ALOX5: variants seen among roughly 807,000 people sequenced by gnomAD.
ALOX5 encodes arachidonate 5-lipoxygenase.
A neutral mutation model predicts 87.9 loss-of-function variants in ALOX5; 64 were observed. The ratio of observed to expected loss-of-function variants is 0.73; its 90% CI spans 0.60 to 0.90. ALOX5 has a LOEUF of 0.90. ALOX5 is among the 40% of genes least tolerant of loss of function. ALOX5 has a pLI of 0.00. For synonymous variants in ALOX5, 388 were observed against 355.1 expected, an observed-to-expected ratio of 1.09 and a Z score of -1.04; for missense variants, 822 against 907.5, an observed-to-expected ratio of 0.91 and a Z score of 1.21.
At position 45,420,886 on chromosome 10, in the gene ALOX5, G is replaced by A. The variant is rs1424231489; in HGVS notation, c.555-3155G>A. On this transcript the variant is annotated intron_variant, in intron 4 of 13. Transcript: ENST00000374391. ...GAGAGTTTCCTTCCCAGTGAGGCGG[G>A]ACAGTGCAGAAATGCGGCCCGTCCT... Among the ~76,000 whole-genome samples the A allele has an allele frequency of 2.0e-5, 3 of 152,248 alleles. No individual in the cohort carries two copies. The East Asian group carries it at 5.8e-4, about 29-fold the overall frequency.
At chr10:45,387,374 G>A (rs1840045417) in intron 2 of ALOX5, among the ~76,000 whole-genome samples, 1 of 152,308 alleles carries the variant, frequency 6.6e-6, no homozygotes, top group East Asian at 1.9e-4. Flanking sequence ...GAGAACTGCT[G>A]CTCTCACAGG....
chr10:45,398,011 A>T (rs1312132319), intron 3 of ALOX5, among the ~76,000 whole-genome samples: 1 of 152,208 alleles, frequency 6.6e-6, no homozygotes, highest in Non-Finnish European at 1.5e-5. Context: ...ATTCATATGG[A>T]AATGGAAGGG....
chr10:45,416,136 G>T (rs1189072142), intron 4 of ALOX5, among the ~76,000 whole-genome samples: 1 of 152,142 alleles, frequency 6.6e-6, no homozygotes, highest in African/African-American at 2.4e-5. Context: ...TCTAAACATT[G>T]TGTCGGTGTT....
chr10:45,405,456 T>G (rs758552862), intron 3 of ALOX5, among the ~76,000 whole-genome samples: 19 of 152,306 alleles, frequency 1.2e-4, no homozygotes, highest in Non-Finnish European at 2.5e-4. Context: ...TTTTTCCCTA[T>G]TGTTCTTTCA....
At chr10:45,411,220 A>G (rs1344035889) in intron 3 of ALOX5, among the ~76,000 whole-genome samples, 2 of 152,168 alleles carry the variant, frequency 1.3e-5, no homozygotes, top group African/African-American at 4.8e-5. Flanking sequence ...TTTCATCACC[A>G]TCTTAGTTTT....
At chr10:45,386,582 G>GA (rs139283260) in intron 2 of ALOX5, among the ~76,000 whole-genome samples, 4,058 of 149,878 alleles carry the variant, frequency 0.027, 122 homozygotes, top group African/African-American at 0.078. Context: ...CACCTAATAA[G>GA]AAAAAAAAAG....
chr10:45,401,630 AT>A (rs1339773812), intron 3 of ALOX5, among the ~76,000 whole-genome samples: 1 of 152,176 alleles, frequency 6.6e-6, no homozygotes, highest in Non-Finnish European at 1.5e-5. Context: ...CATTGGATGG[AT>A]GCCTCATCAT....
chr10:45,433,519 C>G (rs1386976270), intron 7 of ALOX5, among the ~76,000 whole-genome samples: 1 of 152,212 alleles, frequency 6.6e-6, no homozygotes, highest in Non-Finnish European at 1.5e-5. Flanking sequence ...GCAGCTCACT[C>G]TTAAGACCGG....
intron 3 of ALOX5, among the ~76,000 whole-genome samples, chr10:45,398,068 AG>A (rs149735761): frequency 0.022 from 3,409 of 152,302 alleles, 121 homozygotes; most frequent in African/African-American, 0.078. Flanking sequence ...ACAAAGATGG[AG>A]GACTTGCACT....
At chr10:45,422,245 C>T (rs1459714183) in intron 4 of ALOX5, among the ~76,000 whole-genome samples, 1 of 152,180 alleles carries the variant, frequency 6.6e-6, no homozygotes, top group Non-Finnish European at 1.5e-5. Context: ...TGGGATGTCA[C>T]CAAGCCCTGT....
intron 1 of ALOX5, among the ~76,000 whole-genome samples, chr10:45,376,880 C>T (rs79927788): frequency 6.6e-6 from 1 of 152,232 alleles, no homozygotes; most frequent in South Asian, 2.1e-4. Context: ...TGGCTCCTCA[C>T]TGTCTGCTGG....
chr10:45,437,135 C>T (rs1408393284), intron 7 of ALOX5, among the ~76,000 whole-genome samples: 1 of 152,144 alleles, frequency 6.6e-6, no homozygotes, highest in African/African-American at 2.4e-5. Context: ...GGCAGATCAC[C>T]TGAGGTCAGG....
chr10:45,441,373 T>A lies in ALOX5; in HGVS notation c.1215T>A (p.Ile405=). 6 of 1,613,708 alleles carry A rather than the reference T, an allele frequency of 3.7e-6. No homozygotes were observed. The highest frequency in any genetic ancestry group is 5.1e-6 in the Non-Finnish European group (6 of 1,179,774). The part of the protein sequence containing the change: ...KLLVAHVRFT[I]AINTKAREQL... ...TGGTGGCACACGTGAGATTCACCATTGCAATCAACACCAAGGCCCGTGAGC... is the reference window on the plus strand; with the variant it reads ...TGGTGGCACACGTGAGATTCACCATAGCAATCAACACCAAGGCCCGTGAGC... Residue 405 remains isoleucine (I), a synonymous_variant, in exon 9 of 14, where the codon ATT becomes ATA. Transcript: ENST00000374391.
chr10:45,404,480 C>G (rs938525270), intron 3 of ALOX5, among the ~76,000 whole-genome samples: 7 of 152,206 alleles, frequency 4.6e-5, no homozygotes, highest in Non-Finnish European at 1.0e-4. Context: ...CATGCACACT[C>G]ACACACAGCA....
chr10:45,409,145 G>T (rs1258555659), intron 3 of ALOX5, among the ~76,000 whole-genome samples: 1 of 152,188 alleles, frequency 6.6e-6, no homozygotes, highest in Non-Finnish European at 1.5e-5. Context: ...GCTCAAGTAA[G>T]GCAAATGCTG....
At chr10:45,384,833 C>CTAG (rs1839957421) in intron 2 of ALOX5, among the ~76,000 whole-genome samples, 1 of 149,156 alleles carries the variant, frequency 6.7e-6, no homozygotes, top group Non-Finnish European at 1.5e-5. Flanking sequence ...AATTTGTGGC[C>CTAG]TATTATTATT....
At chr10:45,394,436 C>T (rs1840422836) in intron 2 of ALOX5, among the ~76,000 whole-genome samples, 2 of 152,182 alleles carry the variant, frequency 1.3e-5, no homozygotes, top group African/African-American at 4.8e-5. Flanking sequence ...CTTCCTTACA[C>T]CTTATACAAA....
intron 6 of ALOX5, chr10:45,428,324 A>G (rs1841801403): frequency 6.2e-6 from 3 of 482,192 alleles, no homozygotes; most frequent in East Asian, 3.3e-5. Context: ...TTCTTAGTAA[A>G]CTGACACTCG....
At chr10:45,394,187 C>T (rs1236611866) in intron 2 of ALOX5, among the ~76,000 whole-genome samples, 1 of 152,184 alleles carries the variant, frequency 6.6e-6, no homozygotes, top group Non-Finnish European at 1.5e-5. Context: ...AGGCATCATG[C>T]TACCTGACTT....
Sources: allele counts gnomAD v4.1 joint callset (sites outside exome capture counted in the v4.1 genomes callset), GRCh38; gene constraint gnomAD v4.1.1; transcripts MANE v1.5; gene names NCBI Gene and HGNC (gene_info 2026-07-23, HGNC 2026-07-21).